Variants in FNDC3B observed in about 807,000 individuals in gnomAD.
FNDC3B encodes fibronectin type III domain containing 3B.
In FNDC3B, 12 loss-of-function variants were observed where a neutral mutation model predicts 151.5. The ratio of observed to expected loss-of-function variants is 0.08; its 90% CI spans 0.05 to 0.13. The LOEUF (loss-of-function observed/expected upper bound fraction) is 0.13. FNDC3B is among the 10% of genes least tolerant of loss of function. The pLI, the probability that FNDC3B is intolerant of heterozygous loss-of-function variation, is 1.00. For missense variants in FNDC3B, 1,214 were observed against 1,505.3 expected (o/e 0.81, Z 3.20); for synonymous variants, 528 against 549.0 (o/e 0.96, Z 0.54).
chr3:172,144,043 T>C (rs1489980293), intron 3 of FNDC3B, among the ~76,000 whole-genome samples: 1 of 152,178 alleles, frequency 6.6e-6, no homozygotes, highest in Non-Finnish European at 1.5e-5. Context: ...AGAGGTTTAA[T>C]TGGGTCATGG....
At chr3:172,378,224 A>G (rs1234381880) in intron 23 of FNDC3B, 46 bp from the exon 24 acceptor site, 3 of 1,496,560 alleles carry the variant, frequency 2.0e-6, no homozygotes, top group East Asian at 2.3e-5. Context: ...ATTTCTTGTC[A>G]TTAGTAGACG....
chr3:172,157,709 G>A (rs1345874949), intron 3 of FNDC3B, among the ~76,000 whole-genome samples: 1 of 152,194 alleles, frequency 6.6e-6, no homozygotes, highest in Non-Finnish European at 1.5e-5. Flanking sequence ...TTTGTTTTGT[G>A]TATCAATAGC....
chr3:172,305,569 A>G (rs1731156067), intron 9 of FNDC3B, among the ~76,000 whole-genome samples: 1 of 152,214 alleles, frequency 6.6e-6, no homozygotes, highest in South Asian at 2.1e-4. Context: ...TTTTGTAGGT[A>G]GTGACATAGT....
At chr3:172,057,953 G>C (rs777169666) in intron 1 of FNDC3B, among the ~76,000 whole-genome samples, 41 of 150,714 alleles carry the variant, frequency 2.7e-4, no homozygotes, top group Non-Finnish European at 5.3e-4. Context: ...GTTGATTCTT[G>C]GGCTGGAAGG....
chr3:172,139,750 T>G (rs1721525432), intron 3 of FNDC3B, among the ~76,000 whole-genome samples: 1 of 152,046 alleles, frequency 6.6e-6, no homozygotes. Context: ...TGAAAACCAT[T>G]TCTTTTTTTT....
At chr3:172,047,111 AGTCAT>A (rs1716405194) in intron 1 of FNDC3B, among the ~76,000 whole-genome samples, 1 of 152,234 alleles carries the variant, frequency 6.6e-6, no homozygotes, top group African/African-American at 2.4e-5. Flanking sequence ...AAGGCCAACT[AGTCAT>A]AAAAACTTAC....
chr3:172,342,895 T>C, intron 17 of FNDC3B, 116 bp from the exon 18 acceptor site: 1 of 649,474 alleles, frequency 1.5e-6, no homozygotes, highest in Admixed American at 2.3e-5. Flanking sequence ...ACACATTTAG[T>C]GTGTAACCCC....
At chr3:172,373,024 T>C (rs959368720) in intron 23 of FNDC3B, among the ~76,000 whole-genome samples, 27 of 152,052 alleles carry the variant, frequency 1.8e-4, no homozygotes, top group African/African-American at 6.5e-4. Context: ...CCACCGACAG[T>C]GTCAGAGTTA....
At chr3:172,260,859 T>C (rs1728610697) in intron 6 of FNDC3B, among the ~76,000 whole-genome samples, 1 of 152,150 alleles carries the variant, frequency 6.6e-6, no homozygotes, top group Non-Finnish European at 1.5e-5. Context: ...GCCCACAGAA[T>C]GGGGTCTGAC....
chr3:172,160,051 C>T (rs912618186), intron 3 of FNDC3B, among the ~76,000 whole-genome samples: 5 of 152,190 alleles, frequency 3.3e-5, no homozygotes, highest in African/African-American at 1.2e-4. Context: ...CCAGAATCAG[C>T]CTCACCAGTG....
chr3:172,346,536 A>G (rs1178093069), intron 20 of FNDC3B, 96 bp downstream of exon 20: 2 of 640,264 alleles, frequency 3.1e-6, no homozygotes, highest in Admixed American at 3.2e-5. Context: ...CAAAATGCAC[A>G]TATAGATGAT....
At chr3:172,065,860 C>T (rs1186749439) in intron 1 of FNDC3B, among the ~76,000 whole-genome samples, 1 of 151,884 alleles carries the variant, frequency 6.6e-6, no homozygotes, top group Non-Finnish European at 1.5e-5. Context: ...TTTCTTTTTT[C>T]CCAGAGAGTG....
intron 6 of FNDC3B, among the ~76,000 whole-genome samples, chr3:172,264,479 A>T (rs936011305): frequency 6.6e-6 from 1 of 152,172 alleles, no homozygotes; most frequent in Non-Finnish European, 1.5e-5. Context: ...ATTCTCATTC[A>T]TCTCTTTTTC....
intron 1 of FNDC3B, among the ~76,000 whole-genome samples, chr3:172,054,800 C>T (rs57061095): frequency 7.9e-5 from 12 of 152,144 alleles, no homozygotes; most frequent in Admixed American, 7.9e-4. Context: ...TAGTTGGAGG[C>T]TGGGGAAGCC....
intron 1 of FNDC3B, among the ~76,000 whole-genome samples, chr3:172,066,851 TG>T: frequency 6.6e-6 from 1 of 152,362 alleles, no homozygotes; most frequent in Non-Finnish European, 1.5e-5. Context: ...TTTAATTGGT[TG>T]CACGAGTGTG....
intron 1 of FNDC3B, among the ~76,000 whole-genome samples, chr3:172,111,335 A>T (rs2108538713): frequency 6.6e-6 from 1 of 152,304 alleles, no homozygotes; most frequent in East Asian, 1.9e-4. Context: ...TCATGAGGAT[A>T]AACTATCAGG....
At chr3:172,394,567 A>AC (rs1736183393) in intron 25 of FNDC3B, among the ~76,000 whole-genome samples, 1 of 152,182 alleles carries the variant, frequency 6.6e-6, no homozygotes, top group African/African-American at 2.4e-5. Context: ...AATCCAACAG[A>AC]CCAATGGGTA....
At chr3:172,175,752 G>A (rs1723549897) in intron 3 of FNDC3B, among the ~76,000 whole-genome samples, 1 of 152,192 alleles carries the variant, frequency 6.6e-6, no homozygotes, top group South Asian at 2.1e-4. Flanking sequence ...ACCATAGTAA[G>A]TGAGAACCTT....
chr3:172,109,082 C>G (rs1019150005), intron 1 of FNDC3B, among the ~76,000 whole-genome samples: 5 of 151,880 alleles, frequency 3.3e-5, no homozygotes, highest in African/African-American at 1.2e-4. Context: ...CTAGCTGAAT[C>G]TGTTACCTTA....
Sources: gnomAD v4.1 joint callset for allele counts (sites outside exome capture counted in the v4.1 genomes callset) on GRCh38, gnomAD v4.1.1 for gene constraint, MANE v1.5 for transcripts, NCBI Gene and HGNC (gene_info 2026-07-23, HGNC 2026-07-21) for gene names.